Variants in SLC18A2 observed in about 807,000 individuals in gnomAD.
SLC18A2 encodes solute carrier family 18 member A2.
In SLC18A2, 33 loss-of-function variants were observed where a neutral mutation model predicts 59.2. That is an observed-to-expected ratio of 0.56 (90% CI 0.42 to 0.75). The LOEUF (loss-of-function observed/expected upper bound fraction) is 0.75, where lower values mean the gene tolerates loss of function less well. Among genes scored for constraint, SLC18A2 ranks in the 30% least tolerant of loss-of-function variants. The pLI is 0.00. For missense variants in SLC18A2, 569 were observed against 668.6 expected (o/e 0.85, Z 1.64); for synonymous variants, 228 against 253.5 (o/e 0.90, Z 0.95).
At chr10:117,246,661 C>CTTT (rs11369697) in intron 3 of SLC18A2, among the ~76,000 whole-genome samples, 1 of 150,396 alleles carries the variant, frequency 6.6e-6, no homozygotes, top group Admixed American at 6.6e-5. Context: ...ATTTTTTTTT[C>CTTT]TTTTTTTTTG....
intron 2 of SLC18A2, among the ~76,000 whole-genome samples, chr10:117,243,214 G>GT (rs1373810639): frequency 1.3e-5 from 2 of 152,164 alleles, no homozygotes; most frequent in East Asian, 3.8e-4. Context: ...GTAGTTTTCT[G>GT]TTTCCTTGAT....
intron 15 of SLC18A2, among the ~76,000 whole-genome samples, chr10:117,274,845 T>C (rs1054098517): frequency 6.6e-6 from 1 of 152,156 alleles, no homozygotes; most frequent in Non-Finnish European, 1.5e-5. Context: ...ACTAAGATGC[T>C]GGGATAGGAC....
chr10:117,269,298 C>T lies in SLC18A2; in HGVS notation c.1187-773C>T, dbSNP rs1844395494. On this transcript the variant is annotated intron_variant, in intron 13 of 15. Transcript: ENST00000644641. This position sits in a 1 kb window ranked among gnomAD's most constrained non-coding sequence, Gnocchi z 5.1. Reference sequence around the variant, plus strand: ...AAACACATGTACACACATATATACACATACATACACAGATACATATATACA... The same window carrying T: ...AAACACATGTACACACATATATACATATACATACACAGATACATATATACA... Among the ~76,000 whole-genome samples, 1 of 150,358 alleles carries T rather than the reference C, an allele frequency of 6.7e-6. No homozygotes were observed. The highest frequency in any genetic ancestry group is 2.1e-4 in the South Asian group (1 of 4,724).
intron 10 of SLC18A2, among the ~76,000 whole-genome samples, chr10:117,265,197 A>G (rs1433694736): frequency 2.0e-5 from 3 of 152,196 alleles, no homozygotes; most frequent in African/African-American, 7.2e-5. Context: ...CATGTCTAGA[A>G]TGATCTGGTT....
chr10:117,262,499 C>A (rs1240010862), intron 10 of SLC18A2, among the ~76,000 whole-genome samples: 4 of 151,948 alleles, frequency 2.6e-5, no homozygotes, highest in Non-Finnish European at 5.9e-5. Context: ...TGCTCATACC[C>A]GCTGCTGACA....
intron 10 of SLC18A2, 144 bp from the exon 11 acceptor site, chr10:117,266,589 G>C: frequency 1.5e-6 from 1 of 664,728 alleles, no homozygotes; most frequent in South Asian, 2.0e-5. Flanking sequence ...GATCCGGCAG[G>C]CGCCGGATAT....
chr10:117,268,952 A>G (rs1402075234), intron 13 of SLC18A2, among the ~76,000 whole-genome samples: 1 of 150,928 alleles, frequency 6.6e-6, no homozygotes, highest in East Asian at 1.9e-4. Context: ...ACACACATAC[A>G]TACACATACA....
At position 117,269,286 on chromosome 10, in the gene SLC18A2, CACAT is replaced by C. The variant is rs1451422879; in HGVS notation, c.1187-783_1187-780del. On this transcript the variant is annotated intron_variant, in intron 13 of 15. Coordinates refer to ENST00000644641, the MANE Select transcript of SLC18A2 (RefSeq NM_003054.6). The surrounding 1 kb of genome is among the most constrained non-coding windows in gnomAD (Gnocchi z 5.1). Reference sequence around the variant, plus strand: ...ACATACACATGCAAACACATGTACACACATATATACACATACATACACAGATACA... The same window carrying C: ...ACATACACATGCAAACACATGTACACATATACACATACATACACAGATACA... Among the ~76,000 whole-genome samples, 1 of 152,024 alleles carries C rather than the reference CACAT, an allele frequency of 6.6e-6. No homozygotes were observed. The highest frequency in any genetic ancestry group is 1.5e-5 in the Non-Finnish European group (1 of 68,018).
intron 4 of SLC18A2, 34 bp downstream of exon 4, chr10:117,253,491 T>C: frequency 1.3e-6 from 2 of 1,537,036 alleles, no homozygotes; most frequent in South Asian, 1.1e-5. Flanking sequence ...TGAGTGTGGG[T>C]CTCATCAGGG....
rs765672639 is a variant in SLC18A2 at position 117,244,157 on chromosome 10, C to T, written c.308C>T (p.Thr103Ile). 5 of 1,614,226 alleles carry T rather than the reference C, an allele frequency of 3.1e-6. No homozygotes were observed. The highest frequency in any genetic ancestry group is 4.2e-6 in the Non-Finnish European group (5 of 1,180,048). ...GACCTGACACTTCATCAGACCGCCA[C>T]ACAGCACATGGTGACCAACGCGTCC... Reference protein sequence around the residue: ...TRDLTLHQTATQHMVTNASAV... With the variant: ...TRDLTLHQTAIQHMVTNASAV... The change falls in exon 3 of 16, where the codon ACA (threonine) becomes ATA (isoleucine). Residue 103 changes from threonine to isoleucine, a missense_variant. Around this residue, in one of 2 missense-constraint regions of SLC18A2, gnomAD observed 377 missense variants for 389.8 expected, o/e 0.97. Coordinates refer to ENST00000644641, the MANE Select transcript of SLC18A2 (RefSeq NM_003054.6).
rs1844399348 is a variant in SLC18A2 at position 117,269,487 on chromosome 10, G to A, written c.1187-584G>A. Among the ~76,000 whole-genome samples, 2 of 152,148 alleles carry A rather than the reference G, an allele frequency of 1.3e-5. No homozygotes were observed. Among genetic ancestry groups the A allele is most frequent in the Admixed American group, 6.5e-5 (1 of 15,282 alleles). On this transcript the variant is annotated intron_variant, in intron 13 of 15. Coordinates refer to ENST00000644641, the MANE Select transcript of SLC18A2 (RefSeq NM_003054.6). The surrounding 1 kb of genome is among the most constrained non-coding windows in gnomAD (Gnocchi z 5.1). ...TAGAATCTCGTCTCTTGAATAGTGG[G>A]GAGCAGGTAGCATAAAGATGGTGTG...
At chr10:117,242,804 C>A (rs1844070404) in intron 2 of SLC18A2, among the ~76,000 whole-genome samples, 1 of 152,180 alleles carries the variant, frequency 6.6e-6, no homozygotes, top group South Asian at 2.1e-4. Flanking sequence ...ACAGTCTTGG[C>A]TCACTGCAAC....
intron 10 of SLC18A2, among the ~76,000 whole-genome samples, chr10:117,258,176 T>C (rs1413352072): frequency 6.6e-6 from 1 of 152,240 alleles, no homozygotes; most frequent in African/African-American, 2.4e-5. Context: ...CTGGACTAAC[T>C]GGACAGCCAT....
intron 10 of SLC18A2, 92 bp downstream of exon 10, chr10:117,257,984 G>A: frequency 1.2e-6 from 1 of 800,558 alleles, no homozygotes. Context: ...TGCCCTTATG[G>A]GGATGATAAA....
At chr10:117,256,198 A>G (rs1463948292) in intron 9 of SLC18A2, among the ~76,000 whole-genome samples, 1 of 152,228 alleles carries the variant, frequency 6.6e-6, no homozygotes, top group Admixed American at 6.5e-5. Flanking sequence ...GCTTTGGCCT[A>G]GAGGGGCTAA....
intron 3 of SLC18A2, among the ~76,000 whole-genome samples, chr10:117,251,501 T>C (rs1844162440): frequency 6.6e-6 from 1 of 152,194 alleles, no homozygotes; most frequent in African/African-American, 2.4e-5. Flanking sequence ...CCCAATTTGC[T>C]TGGGGCCCCA....
Position 117,254,044 on chromosome 10 carries a change from G to T in SLC18A2, c.524-4G>T, listed in dbSNP as rs1368455647. The T allele has an allele frequency of 1.9e-6, 3 of 1,612,950 alleles. No homozygotes were observed. Among genetic ancestry groups the T allele is most frequent in the African/African-American group, 1.3e-5 (1 of 74,932 alleles). On this transcript the variant is annotated splice_polypyrimidine_tract_variant and splice_region_variant and intron_variant, in intron 4 of 15. Coordinates refer to ENST00000644641, the MANE Select transcript of SLC18A2 (RefSeq NM_003054.6). ...GTGCGGTCTTGGACCCCCTCTCTCG[G>T]CAGTGTTTGCCTTCTCCAGCAGCTA...
chr10:117,248,958 G>A (rs1233458404), intron 3 of SLC18A2, among the ~76,000 whole-genome samples: 1 of 152,158 alleles, frequency 6.6e-6, no homozygotes, highest in Non-Finnish European at 1.5e-5. Flanking sequence ...TAGTTACTTA[G>A]TATATTTGAA....
rs1844351636 is a variant in SLC18A2 at position 117,266,617 on chromosome 10, G to A, written c.992-116G>A. The A allele has an allele frequency of 5.1e-6, 4 of 789,338 alleles. No individual in the cohort carries two copies. In the East Asian group the frequency reaches 1.0e-4, roughly 20 times the overall value. 48.9% of individuals were successfully genotyped at this position (789,338 alleles called of 1,614,324 possible). On this transcript the variant is annotated intron_variant, in intron 10 of 15. Coordinates refer to ENST00000644641, the MANE Select transcript of SLC18A2 (RefSeq NM_003054.6). ...CCGGATATTAGCTGCTGGGGTGTGG[G>A]CCCCGGGGCTTCGTTTTATCTGCTC... is the stretch of plus-strand genomic sequence containing the variant.
Sources: gnomAD v4.1 joint callset for allele counts (sites outside exome capture counted in the v4.1 genomes callset) on GRCh38, gnomAD v4.1.1 for gene constraint, gnomAD v4.1.1 regional missense constraint, Gnocchi (gnomAD v3.1) non-coding constraint, MANE v1.5 for transcripts, NCBI Gene and HGNC (gene_info 2026-07-23, HGNC 2026-07-21) for gene names.